RNF144A: variants seen among roughly 807,000 people sequenced by gnomAD.
RNF144A encodes the protein E3 ubiquitin-protein ligase RNF144A.
RNF144A carries 11 observed loss-of-function variants against 38.7 expected under a neutral mutation model. The observed-to-expected ratio is 0.28, with a 90% CI of 0.18 to 0.47. The LOEUF (loss-of-function observed/expected upper bound fraction) is 0.47. RNF144A is among the 20% of genes least tolerant of loss of function. RNF144A has a pLI of 0.99. For synonymous variants in RNF144A, 149 were observed against 143.9 expected (o/e 1.04, Z -0.25); for missense variants, 316 against 377.2 (o/e 0.84, Z 1.34).
chr2:6,930,726 G>C (rs1665153623), intron 1 of RNF144A, among the ~76,000 whole-genome samples: 1 of 151,960 alleles, frequency 6.6e-6, no homozygotes, highest in Non-Finnish European at 1.5e-5. Context: ...TGAATAGCTG[G>C]GACCACAGGT....
At chr2:7,029,893 G>A (rs767839427) in intron 7 of RNF144A, among the ~76,000 whole-genome samples, 12 of 152,340 alleles carry the variant, frequency 7.9e-5, no homozygotes, top group South Asian at 2.1e-4. Flanking sequence ...TCTAGAGCCC[G>A]AGGCTGTGCT....
intron 6 of RNF144A, among the ~76,000 whole-genome samples, chr2:7,061,100 C>T (rs912085605): frequency 5.3e-5 from 8 of 152,168 alleles, no homozygotes; most frequent in African/African-American, 1.9e-4. Context: ...CTACTCTGCT[C>T]ACCCCTGACA....
At chr2:6,918,712 G>C (rs552816472) in intron 1 of RNF144A, 22 of 137,406 alleles carry the variant, frequency 1.6e-4, no homozygotes, top group African/African-American at 5.2e-4. Context: ...TGCAGTGAGC[G>C]GAGATCGCGC....
intron 6 of RNF144A, among the ~76,000 whole-genome samples, chr2:7,060,519 C>A (rs953258630): frequency 6.6e-6 from 1 of 152,120 alleles, no homozygotes; most frequent in South Asian, 2.1e-4. Flanking sequence ...ATAACCTTTC[C>A]CCCTGGCAAA....
In RNF144A at chr2:7,065,702, A is replaced by G. The variant is rs765155919; in HGVS notation, c.735-2514A>G. On this transcript the variant is annotated intron_variant, in intron 6 of 6. Coordinates refer to the RNF144A transcript ENST00000432850. ...TCTTCATATTTTTAAGCATGGCCAT[A>G]TGGCCATTTTAAGTCTTTTGTTATT... is the stretch of plus-strand genomic sequence containing the variant. Among the ~76,000 whole-genome samples the G allele has an allele frequency of 3.5e-4, 54 of 152,332 alleles. 1 individual carries two copies. The highest frequency in any genetic ancestry group is 9.1e-4 in the Admixed American group (14 of 15,306).
At chr2:7,020,405 C>T in intron 5 of RNF144A, 68 bp from the exon 6 acceptor site, 1 of 1,386,610 alleles carries the variant, frequency 7.2e-7, no homozygotes, top group Non-Finnish European at 1.0e-6. Flanking sequence ...CTGAGGGGCT[C>T]CTTCCTCTGA....
At chr2:6,942,810 C>G (rs1374315428) in intron 2 of RNF144A, among the ~76,000 whole-genome samples, 3 of 152,152 alleles carry the variant, frequency 2.0e-5, no homozygotes, top group African/African-American at 4.8e-5. Context: ...ATGGCAAAAC[C>G]CCATCTCTAC....
chr2:7,003,241 T>C (rs981009750), intron 3 of RNF144A, among the ~76,000 whole-genome samples: 4 of 152,050 alleles, frequency 2.6e-5, no homozygotes, highest in African/African-American at 9.7e-5. Context: ...AGAATGGAGT[T>C]TTTATCTGAA....
intron 3 of RNF144A, among the ~76,000 whole-genome samples, chr2:6,997,801 G>A (rs1285281301): frequency 1.3e-5 from 2 of 152,184 alleles, no homozygotes; most frequent in East Asian, 1.9e-4. Flanking sequence ...CAGGGAATGG[G>A]GAGATGTAGG....
rs144041714 is a variant in RNF144A at position 6,993,188 on chromosome 2, T to C, written c.-11-3728T>C. 5.3e-3 allele frequency among the ~76,000 whole-genome samples: 800 copies of C among 152,342 alleles called. 5 individuals carry two copies. Among genetic ancestry groups the C allele is most frequent in the African/African-American group, 0.018 (763 of 41,574 alleles). On this transcript the variant is annotated intron_variant, in intron 2 of 8. Transcript: ENST00000320892. ...GTTGTCACCATTTGAATCACGATTTTGAGCACAACTCAGAGACTGTGTATT... is the reference window on the plus strand; with the variant it reads ...GTTGTCACCATTTGAATCACGATTTCGAGCACAACTCAGAGACTGTGTATT...
chr2:6,990,049 C>G (rs1453610894), intron 2 of RNF144A, among the ~76,000 whole-genome samples: 1 of 152,190 alleles, frequency 6.6e-6, no homozygotes, highest in Non-Finnish European at 1.5e-5. Flanking sequence ...GATCAGCATT[C>G]TCTCCCAGGG....
chr2:6,959,794 C>CG (rs1450821767), intron 2 of RNF144A, among the ~76,000 whole-genome samples: 3 of 152,190 alleles, frequency 2.0e-5, no homozygotes, highest in African/African-American at 7.2e-5. Context: ...TCACCACCCC[C>CG]CCCATACTGT....
chr2:7,033,016 G>T (rs1296002316), intron 8 of RNF144A, among the ~76,000 whole-genome samples: 1 of 152,244 alleles, frequency 6.6e-6, no homozygotes, highest in Non-Finnish European at 1.5e-5. Context: ...TGTGCACCTT[G>T]GCAGAAACTG....
chr2:7,006,528 G>A (rs551067431), intron 3 of RNF144A, among the ~76,000 whole-genome samples: 1 of 152,112 alleles, frequency 6.6e-6, no homozygotes, highest in Non-Finnish European at 1.5e-5. Context: ...TCCGATGCCC[G>A]TACTGGCCTC....
At position 7,064,224 on chromosome 2, in the gene RNF144A, T is replaced by C. The variant is rs113536564; in HGVS notation, c.735-3992T>C. On this transcript the variant is annotated intron_variant, in intron 6 of 6. Coordinates refer to the RNF144A transcript ENST00000432850. ...ATTAGGTTTCCTGTGCATGAACTTT[T>C]GGAAGACACATTAAAATCATAGCAG... Among the ~76,000 whole-genome samples, 902 of 152,308 alleles carry C rather than the reference T, an allele frequency of 5.9e-3. 10 individuals carry two copies. The highest frequency in any genetic ancestry group is 0.02 in the African/African-American group (843 of 41,562).
intron 8 of RNF144A, among the ~76,000 whole-genome samples, chr2:7,036,384 A>G: frequency 6.6e-6 from 1 of 152,176 alleles, no homozygotes; most frequent in East Asian, 1.9e-4. Context: ...CTGATTACTG[A>G]TCTTCTGTAT....
chr2:6,997,783 G>A (rs190622586), intron 3 of RNF144A, among the ~76,000 whole-genome samples: 34 of 152,284 alleles, frequency 2.2e-4, no homozygotes, highest in Non-Finnish European at 3.5e-4. Context: ...GTAGTTTCCC[G>A]GGGTCTGCAG....
intron 6 of RNF144A, among the ~76,000 whole-genome samples, chr2:7,057,837 C>T (rs1673798651): frequency 6.6e-6 from 1 of 152,018 alleles, no homozygotes; most frequent in Admixed American, 6.6e-5. Flanking sequence ...GAAATCTGCC[C>T]AGGGATCAAA....
chr2:6,964,875 G>A (rs912572489), intron 2 of RNF144A, among the ~76,000 whole-genome samples: 5 of 152,054 alleles, frequency 3.3e-5, no homozygotes, highest in Admixed American at 6.6e-5. Context: ...GCTAAATGAC[G>A]AGTTAATGGG....
Sources: allele counts gnomAD v4.1 joint callset (sites outside exome capture counted in the v4.1 genomes callset), GRCh38; gene constraint gnomAD v4.1.1; transcripts MANE v1.5; gene names NCBI Gene and HGNC (gene_info 2026-07-23, HGNC 2026-07-21).